Variants in DISC1 observed in about 807,000 individuals in gnomAD.
DISC1 encodes disrupted in schizophrenia 1 protein.
Under a neutral mutation model 84.5 loss-of-function variants are expected in DISC1, and 57 were observed. The observed-to-expected ratio is 0.67, with a 90% confidence interval of 0.55 to 0.84. The LOEUF (loss-of-function observed/expected upper bound fraction) is 0.84, where lower values mean the gene tolerates loss of function less well. Ranked by LOEUF, DISC1 falls within the 40% of genes least tolerant of loss-of-function variation. DISC1 has a pLI of 0.00. For synonymous variants in DISC1, 411 were observed against 415.2 expected (o/e 0.99, Z 0.12); for missense variants, 1,000 against 1,057.8 (o/e 0.95, Z 0.76).
At chr1:231,847,205 C>T (rs898326562) in intron 9 of DISC1, among the ~76,000 whole-genome samples, 1 of 152,068 alleles carries the variant, frequency 6.6e-6, no homozygotes, top group Non-Finnish European at 1.5e-5. Flanking sequence ...TCCCTGCGTC[C>T]TCCCTCACAT....
At chr1:231,752,493 G>A (rs1047755343) in intron 4 of DISC1, among the ~76,000 whole-genome samples, 3 of 152,296 alleles carry the variant, frequency 2.0e-5, no homozygotes, top group East Asian at 1.9e-4. Flanking sequence ...CATTCATGAA[G>A]TATCCACCCC....
intron 9 of DISC1, among the ~76,000 whole-genome samples, chr1:231,859,801 A>T (rs1453753961): frequency 6.6e-6 from 1 of 152,200 alleles, no homozygotes; most frequent in African/African-American, 2.4e-5. Context: ...TGAGTGCCAG[A>T]GAGTAAGGAA....
intron 9 of DISC1, among the ~76,000 whole-genome samples, chr1:231,884,102 C>T (rs1195229675): frequency 6.6e-6 from 1 of 152,118 alleles, no homozygotes; most frequent in African/African-American, 2.4e-5. Flanking sequence ...CTGCATTCCA[C>T]ACTCGGGACC....
intron 9 of DISC1, among the ~76,000 whole-genome samples, chr1:231,852,730 A>G (rs548829013): frequency 6.6e-6 from 1 of 152,354 alleles, no homozygotes; most frequent in Non-Finnish European, 1.5e-5. Flanking sequence ...TCAGCTTTGT[A>G]ATAATGAAGA....
rs1012552376 is a variant in DISC1 at position 231,823,043 on chromosome 1, A to G, written c.1981+4526A>G. Among the ~76,000 whole-genome samples the G allele has an allele frequency of 2.0e-5, 3 of 152,220 alleles. No individual in the cohort carries two copies. The East Asian group carries it at 5.8e-4, about 29-fold the overall frequency. The stretch of plus-strand genomic sequence containing the variant: ...CAACATAAGGTTTGGAGGTCAAAGA[A>G]AAGAAACTATAGCAGTGACAGATTA... On this transcript the variant is annotated intron_variant, in intron 9 of 12. Coordinates refer to ENST00000439617, the MANE Select transcript of DISC1 (RefSeq NM_018662.3).
intron 3 of DISC1, chr1:231,720,838 T>G: frequency 7.7e-7 from 1 of 1,290,902 alleles, no homozygotes; most frequent in Non-Finnish European, 1.0e-6. Flanking sequence ...TGTTGTCGTT[T>G]CGTTTACAGG....
At chr1:231,648,363 T>C (rs2125255926) in intron 1 of DISC1, among the ~76,000 whole-genome samples, 1 of 152,376 alleles carries the variant, frequency 6.6e-6, no homozygotes, top group South Asian at 2.1e-4. Flanking sequence ...ATTACGTTTA[T>C]TGACTTGCAT....
At chr1:232,036,352 C>T (rs994293466) in intron 12 of DISC1, among the ~76,000 whole-genome samples, 6 of 152,128 alleles carry the variant, frequency 3.9e-5, no homozygotes, top group Non-Finnish European at 8.8e-5. Context: ...TTGCCCCACC[C>T]CAACTTGGGG....
intron 1 of DISC1, among the ~76,000 whole-genome samples, chr1:231,686,689 G>T (rs1380967285): frequency 6.6e-6 from 1 of 152,192 alleles, no homozygotes; most frequent in Non-Finnish European, 1.5e-5. Flanking sequence ...TTGGCTTGTT[G>T]TTACTTATGC....
At chr1:231,641,676 T>C (rs1474841432) in intron 1 of DISC1, among the ~76,000 whole-genome samples, 2 of 152,238 alleles carry the variant, frequency 1.3e-5, no homozygotes, top group East Asian at 3.8e-4. Flanking sequence ...TCGTCTGTTT[T>C]GACAGGGCGC....
At chr1:231,923,307 C>CAAAAAAAAAAAA (rs1461560372) in intron 9 of DISC1, among the ~76,000 whole-genome samples, 1 of 138,534 alleles carries the variant, frequency 7.2e-6, no homozygotes, top group African/African-American at 2.7e-5. Context: ...CAAAAAAAAC[C>CAAAAAAAAAAAA]AAAAAAAAAA....
intron 3 of DISC1, chr1:231,720,986 A>G: frequency 2.3e-6 from 3 of 1,290,988 alleles, no homozygotes; most frequent in East Asian, 5.5e-5. Context: ...TGGGGTGAAC[A>G]GCAACTGTGG....
chr1:231,817,855 G>T (rs1026001401), intron 8 of DISC1, among the ~76,000 whole-genome samples: 2 of 152,078 alleles, frequency 1.3e-5, no homozygotes, highest in Admixed American at 6.5e-5. Context: ...TAAGAAATTT[G>T]CCCCAGATGT....
chr1:232,017,093 G>A (rs1282152163), intron 11 of DISC1, among the ~76,000 whole-genome samples: 1 of 152,088 alleles, frequency 6.6e-6, no homozygotes, highest in Non-Finnish European at 1.5e-5. Flanking sequence ...TATTCTTTTT[G>A]TAGATAATAT....
At chr1:232,026,274 G>T (rs1332960808) in intron 11 of DISC1, among the ~76,000 whole-genome samples, 161 bp from the exon 12 acceptor site, 1 of 152,166 alleles carries the variant, frequency 6.6e-6, no homozygotes, top group Non-Finnish European at 1.5e-5. Flanking sequence ...CTTGAAATCA[G>T]TTCACAACTT....
chr1:231,699,090 A>G (rs987877453), intron 2 of DISC1, among the ~76,000 whole-genome samples: 1 of 152,200 alleles, frequency 6.6e-6, no homozygotes, highest in African/African-American at 2.4e-5. Context: ...AGCCTGCACC[A>G]TCTGAACATA....
In DISC1 at chr1:231,759,317, G is replaced by A. The variant is rs76321726; in HGVS notation, c.1269-7823G>A. 8.7e-4 allele frequency among the ~76,000 whole-genome samples: 133 copies of A among 152,188 alleles called. 2 individuals carry two copies. The East Asian group carries it at 0.023, about 27-fold the overall frequency. On this transcript the variant is annotated intron_variant, in intron 4 of 12. Transcript: ENST00000439617. Reference sequence around the variant, plus strand: ...CTTGAGATTGGAATCAAGATACACTGTATGAGACCAGAAAATAACTGTTAC... The same window carrying A: ...CTTGAGATTGGAATCAAGATACACTATATGAGACCAGAAAATAACTGTTAC...
intron 9 of DISC1, among the ~76,000 whole-genome samples, chr1:231,854,206 TG>T (rs1196224067): frequency 6.6e-6 from 1 of 152,166 alleles, no homozygotes; most frequent in Non-Finnish European, 1.5e-5. Context: ...TAAGCGATTG[TG>T]GGTAAGTCAT....
At chr1:231,964,834 A>T (rs1034559715) in intron 10 of DISC1, among the ~76,000 whole-genome samples, 2 of 152,204 alleles carry the variant, frequency 1.3e-5, no homozygotes, top group African/African-American at 4.8e-5. Context: ...AGAAGATGAA[A>T]ATCTTTACCT....
Sources: gnomAD v4.1 joint callset for allele counts (sites outside exome capture counted in the v4.1 genomes callset) on GRCh38, gnomAD v4.1.1 for gene constraint, MANE v1.5 for transcripts, NCBI Gene and HGNC (gene_info 2026-07-23, HGNC 2026-07-21) for gene names.